Variants in PHLDB3 observed in about 807,000 individuals in gnomAD.
PHLDB3 encodes the protein pleckstrin homology like domain family B member 3.
PHLDB3 carries 86 observed loss-of-function variants against 85.7 expected under a neutral mutation model. The observed-to-expected ratio is 1.00, with a 90% CI of 0.84 to 1.20. The LOEUF is 1.20. Ranked by LOEUF, PHLDB3 falls within the 50% of genes most tolerant of loss-of-function variation. The pLI, the probability that PHLDB3 is intolerant of heterozygous loss-of-function variation, is 0.00. For synonymous variants in PHLDB3, 376 were observed against 349.8 expected (o/e 1.07, Z -0.83); for missense variants, 995 against 873.0 (o/e 1.14, Z -1.76).
chr19:43,492,112 C>T (rs1273484144), intron 9 of PHLDB3, among the ~76,000 whole-genome samples: 4 of 149,866 alleles, frequency 2.7e-5, no homozygotes, highest in Non-Finnish European at 5.9e-5. Context: ...TGCACCACAC[C>T]CGGCTAATTT....
intron 2 of PHLDB3, among the ~76,000 whole-genome samples, chr19:43,503,010 AG>A (rs1826139569): frequency 2.6e-4 from 4 of 15,372 alleles, no homozygotes; most frequent in Admixed American, 1.2e-3. Context: ...TCTGTCCACT[AG>A]AATCACTAGA....
At chr19:43,476,031 G>A (rs1333651864) in intron 15 of PHLDB3, among the ~76,000 whole-genome samples, 3 of 152,276 alleles carry the variant, frequency 2.0e-5, no homozygotes, top group African/African-American at 4.8e-5. Context: ...TCTTGACCTC[G>A]TGATCCGCCT....
intron 13 of PHLDB3, among the ~76,000 whole-genome samples, chr19:43,485,406 T>C (rs1445833822): frequency 6.6e-6 from 1 of 151,090 alleles, no homozygotes; most frequent in Non-Finnish European, 1.5e-5. Flanking sequence ...AGAGACGGGG[T>C]TTCACCATCT....
chr19:43,487,585 A>AAAAAAAAAAAAAAAAAAAAC (rs1568477408), intron 9 of PHLDB3, among the ~76,000 whole-genome samples: 2 of 141,630 alleles, frequency 1.4e-5, no homozygotes, highest in Admixed American at 7.0e-5. Flanking sequence ...AAAAAAAAAA[A>AAAAAAAAAAAAAAAAAAAAC]AAAAAAACAC....
At chr19:43,490,087 G>C (rs1201863827) in intron 9 of PHLDB3, among the ~76,000 whole-genome samples, 1 of 142,628 alleles carries the variant, frequency 7.0e-6, no homozygotes, top group Non-Finnish European at 1.5e-5. Flanking sequence ...GGGAGGGAGG[G>C]AGGGAAAAAC....
intron 5 of PHLDB3, 122 bp from the exon 6 acceptor site, chr19:43,497,401 C>G: frequency 3.4e-6 from 3 of 869,732 alleles, no homozygotes; most frequent in Non-Finnish European, 4.9e-6. Context: ...TTCCTGGGTC[C>G]TGGGGAGGAG....
chr19:43,494,755 A>T lies in PHLDB3; in HGVS notation c.1096T>A (p.Ser366Thr). Residue 366 changes from serine (S) to threonine (T), a missense_variant, in exon 9 of 16, where the codon TCC (serine) becomes ACC (threonine). Coordinates refer to ENST00000292140, the MANE Select transcript of PHLDB3 (RefSeq NM_198850.4). ...LLVLQDAVAH[S>T]AATPTSSCLF... ...CAGGAAGAAGTAGGGGTGGCAGCGG[A>T]GTGGGCCACGGCATCCTGGAGCACC... 6.2e-7 allele frequency: 1 copy of T among 1,613,406 alleles called. No homozygotes were observed. The highest frequency in any genetic ancestry group is 8.5e-7 in the Non-Finnish European group (1 of 1,179,792).
Position 43,479,561 on chromosome 19 carries a change from C to A in PHLDB3, c.1518G>T (p.Pro506=), listed in dbSNP as rs1001977665. ...APPTPPHPPG[P]RILDLRQHLE... The stretch of plus-strand genomic sequence containing the variant: ...GATGCTGCCGGAGATCCAAGATTCG[C>A]GGGCCTGGAGGGTGGGGTGGGGTGG... Residue 506 remains proline, a synonymous_variant, in exon 14 of 16, where the codon CCG becomes CCT. Transcript: ENST00000292140. The A allele has an allele frequency of 2.7e-5, 8 of 297,308 alleles. No homozygotes were observed. Among genetic ancestry groups the A allele is most frequent in the African/African-American group, 7.0e-5 (2 of 28,720 alleles). 18.4% of individuals were successfully genotyped at this position (297,308 alleles called of 1,614,324 possible).
At position 43,479,587 on chromosome 19, in the gene PHLDB3, G is replaced by T; in HGVS notation, c.1492C>A (p.Pro498Thr). The change falls in exon 14 of 16, where the codon CCC becomes ACC. Residue 498 changes from proline to threonine, a missense_variant. Physicochemically the swap from Pro to Thr is conservative, Grantham distance 38 (BLOSUM62 -1). Coordinates refer to ENST00000292140, the MANE Select transcript of PHLDB3 (RefSeq NM_198850.4). ...GGGCCTGGAGGGTGGGGTGGGGTGG[G>T]TGGGGCCTGGGGAGCAAAGAGACGG... ...GPAVPAITAP[P>T]TPPHPPGPRI... 4.1e-6 allele frequency: 6 copies of T among 1,467,256 alleles called. No individual in the cohort carries two copies. Among genetic ancestry groups the T allele is most frequent in the Admixed American group, 2.0e-5 (1 of 50,460 alleles). The allele number at this position is 1,467,256 out of a possible 1,614,324, so 90.9% of individuals were successfully genotyped here. A position where few individuals can be genotyped will look rare whatever the true frequency, so the allele number is the denominator to read the frequency against.
In PHLDB3 at chr19:43,497,241, C is replaced by A; in HGVS notation, c.702G>T (p.Glu234Asp). The A allele has an allele frequency of 6.6e-7, 1 of 1,517,624 alleles. No individual in the cohort carries two copies. The highest frequency in any genetic ancestry group is 2.5e-5 in the East Asian group (1 of 40,512). The allele number at this position is 1,517,624 out of a possible 1,614,324, so 94.0% of individuals were successfully genotyped here. A position where few individuals can be genotyped will look rare whatever the true frequency, so the allele number is the denominator to read the frequency against. ...GCTCCAGTTGCTGGAACTCCAGGTC[C>A]TCATAGGCACGTTGGGCCACATCCA... ...EQLDVAQRAY[E>D]DLEFQQLERE... The change falls in exon 6 of 16, where the codon GAG becomes GAT. Residue 234 changes from glutamate (E) to aspartate (D), a missense_variant. Physicochemically the swap from Glu to Asp is conservative, Grantham distance 45. Coordinates refer to ENST00000292140, the MANE Select transcript of PHLDB3 (RefSeq NM_198850.4).
chr19:43,500,909 A>ACCCCCTCCCCCCCCCCCCCC (rs1971574370), intron 4 of PHLDB3, among the ~76,000 whole-genome samples: 1 of 17,152 alleles, frequency 5.8e-5, no homozygotes, highest in African/African-American at 1.8e-4. Context: ...CGCCCCCCGT[A>ACCCCCTCCCCCCCCCCCCCC]CCCCCCCCCC....
chr19:43,503,911 C>T lies in PHLDB3; in HGVS notation c.208G>A (p.Asp70Asn). 2 of 1,613,862 alleles carry T rather than the reference C, an allele frequency of 1.2e-6. No individual in the cohort carries two copies. Among genetic ancestry groups the T allele is most frequent in the Non-Finnish European group, 1.7e-6 (2 of 1,179,800 alleles). Residue 70 changes from aspartate (D) to asparagine (N), a missense_variant, in exon 2 of 16, where the codon GAC (aspartate) becomes AAC (asparagine). Asp to Asn is a conservative substitution (Grantham distance 23, BLOSUM62 1). Transcript: ENST00000292140. ...GEGSSTESSR[D>N]APEATPPIAM... ...GTCGCCCTCGGGCCCCTCACCGCGT[C>T]GCGGCTGCTCTCAGTGCTGCTGCCT...
intron 15 of PHLDB3, among the ~76,000 whole-genome samples, chr19:43,476,390 A>G (rs1459373668): frequency 6.6e-6 from 1 of 152,158 alleles, no homozygotes; most frequent in African/African-American, 2.4e-5. Flanking sequence ...CACGCCTGCA[A>G]TCCCAGCACT....
intron 6 of PHLDB3, 114 bp from the exon 7 acceptor site, chr19:43,495,734 G>A (rs1971441724): frequency 1.4e-6 from 2 of 1,424,928 alleles, no homozygotes; most frequent in South Asian, 1.4e-5. Flanking sequence ...AGAGACCATG[G>A]GATCGGAGTG....
intron 13 of PHLDB3, among the ~76,000 whole-genome samples, chr19:43,481,803 A>G (rs373434073): frequency 1.3e-5 from 2 of 151,802 alleles, no homozygotes; most frequent in African/African-American, 2.4e-5. Flanking sequence ...CAAAAAAAAA[A>G]AAAGAAAGAA....
At chr19:43,501,651 C>T (rs934979509) in intron 4 of PHLDB3, 83 bp downstream of exon 4, 5 of 1,534,176 alleles carry the variant, frequency 3.3e-6, no homozygotes, top group African/African-American at 1.4e-5. Context: ...GGGACAACCC[C>T]GGGGCGCAGG....
chr19:43,503,565 C>T (rs1328025373), intron 2 of PHLDB3, among the ~76,000 whole-genome samples: 1 of 152,184 alleles, frequency 6.6e-6, no homozygotes, highest in Admixed American at 6.6e-5. Flanking sequence ...CCTCGGCCTC[C>T]CCAAGTGCTG....
At chr19:43,489,670 GA>G (rs893242917) in intron 9 of PHLDB3, among the ~76,000 whole-genome samples, 15 of 150,038 alleles carry the variant, frequency 1.0e-4, no homozygotes, top group Non-Finnish European at 1.6e-4. Context: ...CCTGAGCCAA[GA>G]AAAAAAAAGT....
rs1459286145 is a variant in PHLDB3, at chr19:43,501,781, C to T, written c.487G>A (p.Glu163Lys). 6.3e-7 allele frequency: 1 copy of T among 1,586,178 alleles called. No homozygotes were observed. The highest frequency in any genetic ancestry group is 1.1e-5 in the South Asian group (1 of 87,112). ...REEEQLRELL[E>K]QQAASEQRGR... ...CGCTGCTCCGAGGCCGCCTGCTGCT[C>T]CAGCAGCTCCCGCAGCTGCTCCTCC... The change falls in exon 4 of 16, where the codon GAG becomes AAG. Residue 163 changes from glutamate to lysine, a missense_variant. Transcript: ENST00000292140.
Sources: allele counts gnomAD v4.1 joint callset (sites outside exome capture counted in the v4.1 genomes callset), GRCh38; gene constraint gnomAD v4.1.1; transcripts MANE v1.5; gene names NCBI Gene and HGNC (gene_info 2026-07-23, HGNC 2026-07-21).